WDR27: variants seen among roughly 807,000 people sequenced by gnomAD.
WDR27 encodes the protein WD repeat-containing protein 27.
A neutral mutation model predicts 114.4 loss-of-function variants in WDR27; 100 were observed. The ratio of observed to expected loss-of-function variants is 0.87; its 90% CI spans 0.74 to 1.03. WDR27 has a LOEUF of 1.03. WDR27 is among the 50% of genes least tolerant of loss of function. The probability of loss-of-function intolerance (pLI) is 0.00; values close to 1 mark genes in which losing one functional copy is unlikely to be tolerated. For missense variants in WDR27, 1,129 were observed against 1,092.9 expected (o/e 1.03, Z -0.47); for synonymous variants, 449 against 423.1 (o/e 1.06, Z -0.75).
chr6:169,581,812 A>T (rs566998975), intron 24 of WDR27, among the ~76,000 whole-genome samples: 1 of 29,154 alleles, frequency 3.4e-5, no homozygotes, highest in South Asian at 2.2e-3. Flanking sequence ...AGCAGAGAAG[A>T]GCGGGTCACA....
chr6:169,462,965 C>G (rs1785099840), intron 25 of WDR27, among the ~76,000 whole-genome samples: 1 of 152,160 alleles, frequency 6.6e-6, no homozygotes, highest in African/African-American at 2.4e-5. Context: ...GAAGTTACAT[C>G]AACACAATAA....
chr6:169,614,105 C>T (rs1811258327), intron 21 of WDR27, among the ~76,000 whole-genome samples: 1 of 152,154 alleles, frequency 6.6e-6, no homozygotes, highest in South Asian at 2.1e-4. Context: ...GGGTGAACTC[C>T]CACGGGGCCT....
chr6:169,696,239 C>G (rs1362841900), intron 1 of WDR27, among the ~76,000 whole-genome samples: 1 of 152,186 alleles, frequency 6.6e-6, no homozygotes, highest in Non-Finnish European at 1.5e-5. Flanking sequence ...TGAAGTAAGA[C>G]TAGAACAAGC....
chr6:169,498,253 A>G (rs1790661939), intron 25 of WDR27, among the ~76,000 whole-genome samples: 1 of 152,076 alleles, frequency 6.6e-6, no homozygotes, highest in Non-Finnish European at 1.5e-5. Context: ...ACAGATCTGT[A>G]TTCTATTCTG....
At chr6:169,612,072 G>T (rs1299485099) in intron 22 of WDR27, among the ~76,000 whole-genome samples, 2 of 151,866 alleles carry the variant, frequency 1.3e-5, no homozygotes, top group African/African-American at 4.8e-5. Context: ...GGAGGCAGAG[G>T]TTGCAGTGAG....
intron 23 of WDR27, among the ~76,000 whole-genome samples, chr6:169,591,744 C>T (rs1369047979): frequency 1.3e-5 from 2 of 152,150 alleles, no homozygotes; most frequent in African/African-American, 2.4e-5. Flanking sequence ...TGGTGCTGCC[C>T]GCTGGTCTAA....
chr6:169,572,587 C>A (rs978777539), intron 24 of WDR27, 47 bp from the exon 25 acceptor site: 5 of 147,872 alleles, frequency 3.4e-5, no homozygotes, highest in Non-Finnish European at 7.4e-5. Context: ...AATTCCAATA[C>A]CTAGTAGCCT....
At chr6:169,520,709 A>T (rs1295110878) in intron 25 of WDR27, among the ~76,000 whole-genome samples, 1 of 152,164 alleles carries the variant, frequency 6.6e-6, no homozygotes, top group Non-Finnish European at 1.5e-5. Flanking sequence ...TTAAAGAGAA[A>T]ATCTTGGAAC....
intron 21 of WDR27, among the ~76,000 whole-genome samples, chr6:169,623,418 T>C (rs1172823863): frequency 6.6e-6 from 1 of 152,240 alleles, no homozygotes; most frequent in Non-Finnish European, 1.5e-5. Flanking sequence ...CCTTTCTCTA[T>C]TGCAATTCCC....
the WDR27 span, among the ~76,000 whole-genome samples, chr6:169,438,122 C>T: frequency 1.3e-5 from 2 of 151,996 alleles, no homozygotes; most frequent in Non-Finnish European, 2.9e-5. Flanking sequence ...ATTTTTATAT[C>T]TATGTGTACT....
At chr6:169,512,928 C>A (rs1793097213) in intron 25 of WDR27, among the ~76,000 whole-genome samples, 1 of 152,154 alleles carries the variant, frequency 6.6e-6, no homozygotes, top group Admixed American at 6.5e-5. Flanking sequence ...TGTATGAGAT[C>A]ACCACCAACT....
At chr6:169,566,644 C>T (rs1800547667) in intron 25 of WDR27, among the ~76,000 whole-genome samples, 1 of 145,574 alleles carries the variant, frequency 6.9e-6, no homozygotes, top group South Asian at 2.3e-4. Flanking sequence ...AATTTCGGGG[C>T]CTGTTGGAGT....
In WDR27 at chr6:169,508,330, A is replaced by G. The variant is rs367777780; in HGVS notation, c.2646-50696T>C. 2.6e-5 allele frequency among the ~76,000 whole-genome samples: 4 copies of G among 152,390 alleles called. No individual in the cohort carries two copies. The East Asian group carries it at 7.7e-4, about 29-fold the overall frequency. ...GCTTGTTAGCCAAATGAGGAAAGCC[A>G]TACACCAATTATTAGTTGATTAAAT... On this transcript the variant is annotated intron_variant, in intron 25 of 25. Coordinates refer to ENST00000448612, the MANE Select transcript of WDR27 (RefSeq NM_182552.5).
intron 22 of WDR27, among the ~76,000 whole-genome samples, chr6:169,604,731 C>T (rs1187985705): frequency 2.0e-5 from 3 of 152,136 alleles, no homozygotes; most frequent in African/African-American, 4.8e-5. Flanking sequence ...AATAGCACAT[C>T]AAGAAGATAA....
the WDR27 span, among the ~76,000 whole-genome samples, chr6:169,441,964 T>C: frequency 0.021 from 3,241 of 152,244 alleles, 121 homozygotes; most frequent in African/African-American, 0.075. Context: ...AACCATCACA[T>C]AGGTTCTATT....
chr6:169,696,445 C>T (rs1346119246), intron 1 of WDR27, among the ~76,000 whole-genome samples: 1 of 152,218 alleles, frequency 6.6e-6, no homozygotes, highest in Admixed American at 6.5e-5. Context: ...GAATCCCACA[C>T]ATGCACCCAA....
At chr6:169,522,018 C>T (rs1192026800) in intron 25 of WDR27, among the ~76,000 whole-genome samples, 1 of 151,994 alleles carries the variant, frequency 6.6e-6, no homozygotes, top group African/African-American at 2.4e-5. Flanking sequence ...GGACTAAATT[C>T]TCCAATTAAA....
At chr6:169,498,043 G>T (rs540212208) in intron 25 of WDR27, among the ~76,000 whole-genome samples, 8 of 151,694 alleles carry the variant, frequency 5.3e-5, no homozygotes, top group Non-Finnish European at 8.8e-5. Flanking sequence ...AGCAAAACAT[G>T]GTATATCCAT....
At chr6:169,662,786 C>T (rs7748999) in intron 8 of WDR27, among the ~76,000 whole-genome samples, 72,873 of 77,828 alleles carry the variant, frequency 0.94, 34,276 homozygotes, top group Non-Finnish European at 0.95. Context: ...GCATGACGCG[C>T]GTGCACCGCG....
Sources: gnomAD v4.1 joint callset for allele counts (sites outside exome capture counted in the v4.1 genomes callset) on GRCh38, gnomAD v4.1.1 for gene constraint, MANE v1.5 for transcripts, NCBI Gene and HGNC (gene_info 2026-07-23, HGNC 2026-07-21) for gene names.